EYS: variants seen among roughly 807,000 people sequenced by gnomAD.
EYS encodes the protein EGF-like photoreceptor maintenance factor.
Under a neutral mutation model 282.1 loss-of-function variants are expected in EYS, and 250 were observed. The ratio of observed to expected loss-of-function variants is 0.89; its 90% CI spans 0.80 to 0.98. EYS has a LOEUF of 0.98. Among genes scored for constraint, EYS ranks in the 50% least tolerant of loss-of-function variants. The pLI is 0.00. For synonymous variants in EYS, 1,355 were observed against 1,282.9 expected (o/e 1.06, Z -1.20); for missense variants, 4,016 against 3,709.0 (o/e 1.08, Z -2.15).
At chr6:65,052,276 T>C (rs1372621058) in intron 13 of EYS, among the ~76,000 whole-genome samples, 1 of 151,480 alleles carries the variant, frequency 6.6e-6, no homozygotes, top group Non-Finnish European at 1.5e-5. Flanking sequence ...CATTTATGTA[T>C]GTGCTTAATA....
At chr6:64,027,141 C>G (rs903917833) in intron 33 of EYS, among the ~76,000 whole-genome samples, 3 of 152,158 alleles carry the variant, frequency 2.0e-5, no homozygotes, top group Non-Finnish European at 1.5e-5. Flanking sequence ...AGCAAGCCAT[C>G]CCCAGTATGG....
intron 29 of EYS, among the ~76,000 whole-genome samples, chr6:64,353,272 G>A (rs1240742333): frequency 6.6e-6 from 1 of 151,418 alleles, no homozygotes; most frequent in Non-Finnish European, 1.5e-5. Context: ...AAAAATTTAT[G>A]ACTTTGAGTC....
chr6:63,904,068 C>A (rs1407194968), intron 35 of EYS, among the ~76,000 whole-genome samples: 2 of 152,328 alleles, frequency 1.3e-5, no homozygotes, highest in Admixed American at 6.5e-5. Context: ...TATAGCTTTT[C>A]TCATGTAGTG....
intron 34 of EYS, among the ~76,000 whole-genome samples, chr6:63,985,156 A>C (rs946331110): frequency 4.6e-5 from 7 of 151,702 alleles, no homozygotes; most frequent in Admixed American, 4.0e-4. Context: ...AAGGACTTTT[A>C]TAAGGACAAT....
At chr6:64,025,432 G>T (rs1176841035) in intron 33 of EYS, among the ~76,000 whole-genome samples, 1 of 152,128 alleles carries the variant, frequency 6.6e-6, no homozygotes, top group Non-Finnish European at 1.5e-5. Context: ...CCTGACCCTT[G>T]CCCCTTGGGT....
At chr6:65,278,403 T>C (rs1267021511) in intron 12 of EYS, among the ~76,000 whole-genome samples, 1 of 143,940 alleles carries the variant, frequency 6.9e-6, no homozygotes, top group African/African-American at 2.5e-5. Context: ...TTTATATATA[T>C]ATATCTCCTA....
chr6:65,167,371 T>C (rs1006421308), intron 12 of EYS, among the ~76,000 whole-genome samples: 15 of 151,334 alleles, frequency 9.9e-5, no homozygotes, highest in Admixed American at 2.0e-4. Flanking sequence ...GAAAGTATTA[T>C]GTTCTGGAAT....
chr6:64,025,525 T>A (rs1769454882), intron 33 of EYS, among the ~76,000 whole-genome samples: 1 of 152,186 alleles, frequency 6.6e-6, no homozygotes, highest in Non-Finnish European at 1.5e-5. Flanking sequence ...CTGTCTCTGG[T>A]GCTTTTCTAG....
chr6:64,240,726 G>T (rs1176987730), intron 30 of EYS, among the ~76,000 whole-genome samples: 1 of 152,014 alleles, frequency 6.6e-6, no homozygotes, highest in Non-Finnish European at 1.5e-5. Context: ...CTCTTTTCCT[G>T]ATTGAATACC....
chr6:64,986,628 A>G (rs1335160786), intron 14 of EYS, among the ~76,000 whole-genome samples: 1 of 151,232 alleles, frequency 6.6e-6, no homozygotes, highest in Non-Finnish European at 1.5e-5. Flanking sequence ...TTCTTCATTC[A>G]TCCAATTGTC....
At chr6:64,326,167 A>ATCCT (rs4034644) in intron 29 of EYS, among the ~76,000 whole-genome samples, 1 of 151,148 alleles carries the variant, frequency 6.6e-6, no homozygotes, top group African/African-American at 2.4e-5. Flanking sequence ...GAAATTTAAA[A>ATCCT]CTTAAAGTTT....
intron 18 of EYS, among the ~76,000 whole-genome samples, chr6:64,887,892 C>G (rs1309322950): frequency 6.6e-6 from 1 of 152,008 alleles, no homozygotes; most frequent in Admixed American, 6.6e-5. Flanking sequence ...AAAGGTCTTA[C>G]TCAGTATTAA....
chr6:65,000,630 TAGCC>T (rs746280339), intron 13 of EYS, among the ~76,000 whole-genome samples: 3 of 151,686 alleles, frequency 2.0e-5, no homozygotes, highest in Non-Finnish European at 4.4e-5. Flanking sequence ...AAAAAAAAAT[TAGCC>T]GGGCTTGGTG....
At chr6:64,031,353 G>A (rs1769822348) in intron 33 of EYS, among the ~76,000 whole-genome samples, 1 of 152,206 alleles carries the variant, frequency 6.6e-6, no homozygotes, top group African/African-American at 2.4e-5. Flanking sequence ...GCCTTCCCAT[G>A]GGGCAGGACT....
chr6:63,827,647 A>G (rs1771507439), intron 36 of EYS, among the ~76,000 whole-genome samples: 1 of 152,054 alleles, frequency 6.6e-6, no homozygotes, highest in South Asian at 2.1e-4. Flanking sequence ...GATCTAGACC[A>G]TCCTGGCTAA....
chr6:64,948,087 G>T (rs1156682838), intron 14 of EYS, among the ~76,000 whole-genome samples: 1 of 150,842 alleles, frequency 6.6e-6, no homozygotes, highest in African/African-American at 2.4e-5. Flanking sequence ...TCAATTTCAG[G>T]GTATCATTAT....
chr6:65,442,595 T>C (rs1283437399), intron 5 of EYS, among the ~76,000 whole-genome samples: 1 of 151,094 alleles, frequency 6.6e-6, no homozygotes, highest in Non-Finnish European at 1.5e-5. Flanking sequence ...CTACTAAAAC[T>C]ATAAAAAAAT....
chr6:65,476,583 CTT>C (rs72415144), intron 5 of EYS, among the ~76,000 whole-genome samples: 2 of 144,680 alleles, frequency 1.4e-5, no homozygotes, highest in African/African-American at 2.5e-5. Context: ...TCTAAAACTG[CTT>C]TTTTTTTTTT....
intron 31 of EYS, among the ~76,000 whole-genome samples, chr6:64,109,777 G>A: frequency 6.6e-6 from 1 of 152,056 alleles, no homozygotes; most frequent in East Asian, 1.9e-4. Context: ...TTTATCTGTA[G>A]CCCATATGAC....
Sources: gnomAD v4.1 joint callset for allele counts (sites outside exome capture counted in the v4.1 genomes callset) on GRCh38, gnomAD v4.1.1 for gene constraint, MANE v1.5 for transcripts, NCBI Gene and HGNC (gene_info 2026-07-23, HGNC 2026-07-21) for gene names.